Variants in KCNQ3 observed in about 807,000 individuals in gnomAD.
KCNQ3 encodes potassium voltage-gated channel subfamily KQT member 3.
KCNQ3 carries 30 observed loss-of-function variants against 92.5 expected under a neutral mutation model. That is an observed-to-expected ratio of 0.32 (90% confidence interval 0.24 to 0.44). The LOEUF (loss-of-function observed/expected upper bound fraction) is 0.44. KCNQ3 is among the 20% of genes least tolerant of loss of function. The pLI, the probability that KCNQ3 is intolerant of heterozygous loss-of-function variation, is 1.00. For missense variants in KCNQ3, 913 were observed against 1,140.3 expected (o/e 0.80, Z 2.87); for synonymous variants, 450 against 468.8 (o/e 0.96, Z 0.52).
chr8:132,163,898 C>T (rs573484217), intron 8 of KCNQ3, among the ~76,000 whole-genome samples: 1 of 152,182 alleles, frequency 6.6e-6, no homozygotes, highest in Admixed American at 6.5e-5. Context: ...GTCATCATAG[C>T]GAACATTGTC....
chr8:132,135,267 C>T, intron 12 of KCNQ3, among the ~76,000 whole-genome samples: 1 of 152,104 alleles, frequency 6.6e-6, no homozygotes, highest in Non-Finnish European at 1.5e-5. Flanking sequence ...TTTTTTATGG[C>T]TGCGTATTAC....
At chr8:132,477,379 T>C (rs1481369734) in intron 1 of KCNQ3, among the ~76,000 whole-genome samples, 1 of 148,788 alleles carries the variant, frequency 6.7e-6, no homozygotes, top group East Asian at 1.9e-4. Flanking sequence ...TCCACTAGAT[T>C]GTAGGCCTAT....
intron 1 of KCNQ3, among the ~76,000 whole-genome samples, chr8:132,253,446 A>T (rs1025508916): frequency 6.6e-6 from 1 of 152,194 alleles, no homozygotes; most frequent in Non-Finnish European, 1.5e-5. Flanking sequence ...TGTTTTCCCC[A>T]TATTACAAAA....
intron 1 of KCNQ3, among the ~76,000 whole-genome samples, chr8:132,273,893 G>T (rs2130506685): frequency 6.6e-6 from 1 of 152,174 alleles, no homozygotes; most frequent in Non-Finnish European, 1.5e-5. Context: ...ATCTCCATCT[G>T]AGACCACCTC....
intron 1 of KCNQ3, among the ~76,000 whole-genome samples, chr8:132,382,435 T>C (rs552208401): frequency 1.3e-4 from 20 of 152,204 alleles, no homozygotes; most frequent in African/African-American, 4.6e-4. Context: ...TCCGCATGAG[T>C]AAAAGCTTCC....
intron 1 of KCNQ3, among the ~76,000 whole-genome samples, chr8:132,232,541 A>T (rs923738635): frequency 6.6e-6 from 1 of 152,222 alleles, no homozygotes; most frequent in African/African-American, 2.4e-5. Flanking sequence ...CCTTAAAAGC[A>T]TTGGCTGTTA....
intron 1 of KCNQ3, among the ~76,000 whole-genome samples, chr8:132,246,747 C>T (rs6999946): frequency 0.58 from 87,872 of 152,018 alleles, 26,172 homozygotes; most frequent in East Asian, 0.81. Flanking sequence ...CTTTCCTAAC[C>T]AGCTCTACTG....
At chr8:132,392,922 C>CTTTTTTT (rs201581471) in intron 1 of KCNQ3, among the ~76,000 whole-genome samples, 13 of 150,238 alleles carry the variant, frequency 8.7e-5, no homozygotes, top group African/African-American at 3.2e-4. Flanking sequence ...AAACCTTTTT[C>CTTTTTTT]TTTTTTTCTG....
At chr8:132,263,439 G>A (rs1815858388) in intron 1 of KCNQ3, among the ~76,000 whole-genome samples, 2 of 152,194 alleles carry the variant, frequency 1.3e-5, no homozygotes, top group African/African-American at 4.8e-5. Context: ...TGAAGTGTGG[G>A]CAAGCGCTGT....
intron 9 of KCNQ3, among the ~76,000 whole-genome samples, chr8:132,151,257 T>A (rs1167580730): frequency 6.6e-6 from 1 of 152,220 alleles, no homozygotes; most frequent in Non-Finnish European, 1.5e-5. Flanking sequence ...ATTAAAAAAT[T>A]GCTAACTGTT....
At chr8:132,451,354 A>G (rs373885879) in intron 1 of KCNQ3, among the ~76,000 whole-genome samples, 17 of 152,296 alleles carry the variant, frequency 1.1e-4, no homozygotes, top group Admixed American at 3.9e-4. Flanking sequence ...TTTATTAGCA[A>G]TGTGAGAACA....
chr8:132,450,844 G>T (rs1469374203), intron 1 of KCNQ3, among the ~76,000 whole-genome samples: 6 of 152,322 alleles, frequency 3.9e-5, no homozygotes, highest in Non-Finnish European at 5.9e-5. Flanking sequence ...ATGGACGACT[G>T]GGGCAAGGGA....
At chr8:132,132,108 GAAA>G in intron 14 of KCNQ3, 69 bp downstream of exon 14, 1 of 1,036,170 alleles carries the variant, frequency 9.7e-7, no homozygotes, top group Non-Finnish European at 1.5e-6. Context: ...AAGAAAGAAA[GAAA>G]AAAAAGAAAT....
intron 1 of KCNQ3, among the ~76,000 whole-genome samples, chr8:132,297,658 T>C (rs1817084652): frequency 6.6e-6 from 1 of 152,236 alleles, no homozygotes; most frequent in African/African-American, 2.4e-5. Flanking sequence ...CAATAAGACA[T>C]AACCCTCTCT....
chr8:132,401,808 T>C (rs1820341603), intron 1 of KCNQ3, among the ~76,000 whole-genome samples: 1 of 152,242 alleles, frequency 6.6e-6, no homozygotes, highest in African/African-American at 2.4e-5. Context: ...ACTTGAGGTT[T>C]ACACCAAATG....
At position 132,480,365 on chromosome 8, in the gene KCNQ3, C is replaced by A. The variant is rs777374664; in HGVS notation, c.168G>T (p.Ala56=). ...APGDVEQVTL[A]LGAGADKDGT... ...CGTCTTTGTCGGCTCCGGCCCCGAG[C>A]GCCAAGGTGACTTGCTCCACGTCGC... Residue 56 remains alanine (A), a synonymous_variant, in exon 1 of 15, where the codon GCG becomes GCT. Coordinates refer to ENST00000388996, the MANE Select transcript of KCNQ3 (RefSeq NM_004519.4). The A allele has an allele frequency of 6.3e-7, 1 of 1,587,704 alleles. No homozygotes were observed. Among genetic ancestry groups the A allele is most frequent in the Non-Finnish European group, 8.5e-7 (1 of 1,172,854 alleles).
At chr8:132,177,755 C>A (rs377277930) in intron 4 of KCNQ3, among the ~76,000 whole-genome samples, 1 of 152,162 alleles carries the variant, frequency 6.6e-6, no homozygotes, top group East Asian at 1.9e-4. Context: ...AGCCATAGTA[C>A]CCGGCCCAGA....
intron 1 of KCNQ3, among the ~76,000 whole-genome samples, chr8:132,286,010 G>A (rs1230945951): frequency 2.0e-5 from 3 of 152,178 alleles, no homozygotes; most frequent in Non-Finnish European, 4.4e-5. Context: ...CTGCAGGTGT[G>A]CAGAATGTAA....
intron 1 of KCNQ3, among the ~76,000 whole-genome samples, chr8:132,222,448 G>A (rs1814269372): frequency 6.6e-6 from 1 of 152,168 alleles, no homozygotes; most frequent in South Asian, 2.1e-4. Context: ...ATGGATACTT[G>A]GCATATAATT....
Sources: gnomAD v4.1 joint callset for allele counts (sites outside exome capture counted in the v4.1 genomes callset) on GRCh38, gnomAD v4.1.1 for gene constraint, MANE v1.5 for transcripts, NCBI Gene and HGNC (gene_info 2026-07-23, HGNC 2026-07-21) for gene names.